Variants in BEAN1 observed in about 807,000 individuals in gnomAD.
BEAN1 encodes the protein protein BEAN1.
A neutral mutation model predicts 17.7 loss-of-function variants in BEAN1; 17 were observed. That is an observed-to-expected ratio of 0.96 (90% confidence interval 0.66 to 1.44). The LOEUF (loss-of-function observed/expected upper bound fraction) is 1.44. Among genes scored for constraint, BEAN1 ranks in the 40% most tolerant of loss-of-function variants. The pLI, the probability that BEAN1 is intolerant of heterozygous loss-of-function variation, is 0.00. For synonymous variants in BEAN1, 142 were observed against 151.8 expected (o/e 0.94, Z 0.47); for missense variants, 359 against 374.1 (o/e 0.96, Z 0.33).
intron 2 of BEAN1, among the ~76,000 whole-genome samples, chr16:66,456,205 C>T (rs1962859773): frequency 6.6e-6 from 1 of 152,234 alleles, no homozygotes; most frequent in Non-Finnish European, 1.5e-5. Context: ...TAAATATTCT[C>T]TCTCCCCTGG....
downstream of BEAN1, among the ~76,000 whole-genome samples, chr16:66,493,789 C>T (rs561495020): frequency 4.6e-5 from 7 of 152,336 alleles, no homozygotes; most frequent in East Asian, 1.9e-4. Context: ...CCAGAATAGA[C>T]GCCGCACCTC....
downstream of BEAN1, chr16:66,485,182 T>TGC (rs1964071327): frequency 2.3e-6 from 1 of 441,206 alleles, no homozygotes; most frequent in Admixed American, 2.4e-5. Context: ...CACATGCACA[T>TGC]ACACACACTG....
chr16:66,478,518 C>T (rs1177276181), intron 4 of BEAN1, among the ~76,000 whole-genome samples: 1 of 152,200 alleles, frequency 6.6e-6, no homozygotes, highest in African/African-American at 2.4e-5. Flanking sequence ...AGGAGAATCG[C>T]TTGAACCCGG....
At chr16:66,467,325 G>A (rs956341204) in intron 2 of BEAN1, among the ~76,000 whole-genome samples, 2 of 152,124 alleles carry the variant, frequency 1.3e-5, no homozygotes, top group Non-Finnish European at 2.9e-5. Flanking sequence ...AAGAAAAGAG[G>A]TTTAATTGAC....
chr16:66,493,265 G>A, exon 5 of BEAN1: 1 of 702,942 alleles, frequency 1.4e-6, no homozygotes, highest in Non-Finnish European at 2.6e-6. Flanking sequence ...CTGCCTCGAG[G>A]GGGTTCAGCC....
At chr16:66,478,438 TA>T (rs1963851016) in intron 4 of BEAN1, among the ~76,000 whole-genome samples, 1 of 151,148 alleles carries the variant, frequency 6.6e-6, no homozygotes, top group Admixed American at 6.6e-5. Flanking sequence ...CCATCTCTAC[TA>T]AAAATACAAA....
At chr16:66,464,279 A>G (rs1008170574) in intron 2 of BEAN1, among the ~76,000 whole-genome samples, 2 of 151,988 alleles carry the variant, frequency 1.3e-5, no homozygotes, top group African/African-American at 2.4e-5. Flanking sequence ...ATGTCTTTCT[A>G]TTTATTTGGA....
rs1479844254 is a variant in BEAN1 at position 66,427,652 on chromosome 16, T to G, written c.-83+221T>G. 6.6e-6 allele frequency: 1 copy of G among 152,062 alleles called. No homozygotes were observed. Among genetic ancestry groups the G allele is most frequent in the African/African-American group, 2.4e-5 (1 of 41,422 alleles). 9.4% of individuals were successfully genotyped at this position (152,062 alleles called of 1,614,324 possible). A position where few individuals can be genotyped will look rare whatever the true frequency, so the allele number is the denominator to read the frequency against. On this transcript the variant is annotated intron_variant, in intron 1 of 4. Coordinates refer to ENST00000536005, the MANE Select transcript of BEAN1 (RefSeq NM_001178020.3). The surrounding 1 kb of genome is among the most constrained non-coding windows in gnomAD (Gnocchi z 4.7). ...CTCCCGCGGACCCTCGACCCCGGGCTGGCCACTGGGATCTGCGCGAGCCGA... is the reference window on the plus strand; with the variant it reads ...CTCCCGCGGACCCTCGACCCCGGGCGGGCCACTGGGATCTGCGCGAGCCGA...
intron 3 of BEAN1, chr16:66,470,206 G>A (rs538240988): frequency 6.8e-6 from 3 of 442,390 alleles, no homozygotes; most frequent in East Asian, 8.1e-5. Context: ...ATGGATGGAT[G>A]GATGGATGGA....
At chr16:66,449,920 TATG>T (rs1176540657) in intron 2 of BEAN1, among the ~76,000 whole-genome samples, 1 of 152,218 alleles carries the variant, frequency 6.6e-6, no homozygotes, top group Non-Finnish European at 1.5e-5. Context: ...TCTAAAATAA[TATG>T]ATGATCAAAT....
Position 66,490,462 on chromosome 16 carries a change from T to TAAAATAAAATAAA in BEAN1, c.148-2496_148-2495insTAAAATAAAAAAA, listed in dbSNP as rs1964161199. ...AATAAAATAAAATAAAATAATAAAA[T>TAAAATAAAATAAA]AAAAAGAAACCTCTAAATTGATTGA... On this transcript the variant is annotated intron_variant, in intron 4 of 4. Coordinates refer to the BEAN1 transcript ENST00000561796. 7.7e-5 allele frequency among the ~76,000 whole-genome samples: 9 copies of TAAAATAAAATAAA among 117,536 alleles called. 1 individual carries two copies. Among genetic ancestry groups the TAAAATAAAATAAA allele is most frequent in the South Asian group, 2.5e-4 (1 of 3,946 alleles). The allele number at this position is 117,536 out of a possible 152,430, so 77.1% of individuals were successfully genotyped here. A position where few individuals can be genotyped will look rare whatever the true frequency, so the allele number is the denominator to read the frequency against.
intron 2 of BEAN1, among the ~76,000 whole-genome samples, chr16:66,450,767 A>C (rs1375833059): frequency 6.6e-6 from 1 of 152,184 alleles, no homozygotes; most frequent in Non-Finnish European, 1.5e-5. Context: ...AGAAAAAGAA[A>C]AAATCTTTGC....
At chr16:66,489,672 A>T (rs771161688) in intron 4 of BEAN1, among the ~76,000 whole-genome samples, 28 of 152,190 alleles carry the variant, frequency 1.8e-4, no homozygotes, top group Non-Finnish European at 3.8e-4. Context: ...TAGAGAAGGT[A>T]GGAAAGAGAG....
chr16:66,470,289 A>C (rs1963434688), intron 3 of BEAN1, among the ~76,000 whole-genome samples: 1 of 151,844 alleles, frequency 6.6e-6, no homozygotes. Flanking sequence ...GACTCGTAGG[A>C]AAATGGATGG....
At chr16:66,485,398 C>T (rs958463969), downstream of BEAN1, 10 of 337,870 alleles carry the variant, frequency 3.0e-5, no homozygotes, top group African/African-American at 1.9e-4. Context: ...CTGTTCCTAT[C>T]CATGCCCACC....
chr16:66,438,110 G>A (rs1427685576), intron 2 of BEAN1: 2 of 250,504 alleles, frequency 8.0e-6, no homozygotes, highest in East Asian at 2.0e-4. Context: ...TGTGGCCGGC[G>A]TGGTGGCTCA....
intron 1 of BEAN1, among the ~76,000 whole-genome samples, chr16:66,431,135 G>T (rs1389632804): frequency 3.3e-5 from 5 of 152,104 alleles, no homozygotes; most frequent in Non-Finnish European, 7.3e-5. Context: ...AATAACAAAT[G>T]ACATGTTCAA....
intron 2 of BEAN1, among the ~76,000 whole-genome samples, chr16:66,468,154 G>A (rs1467229602): frequency 6.6e-6 from 1 of 152,202 alleles, no homozygotes; most frequent in Non-Finnish European, 1.5e-5. Context: ...CTCTCCTGAG[G>A]CATCGCAAGG....
intron 3 of BEAN1, chr16:66,470,084 A>C: frequency 1.5e-6 from 1 of 661,130 alleles, no homozygotes; most frequent in Non-Finnish European, 2.5e-6. Flanking sequence ...ACTCAGAGTG[A>C]GGCTGAAGGT....
Sources: gnomAD v4.1 joint callset for allele counts (sites outside exome capture counted in the v4.1 genomes callset) on GRCh38, gnomAD v4.1.1 for gene constraint, Gnocchi (gnomAD v3.1) non-coding constraint, MANE v1.5 for transcripts, NCBI Gene and HGNC (gene_info 2026-07-23, HGNC 2026-07-21) for gene names.